ROR2: variants seen among roughly 807,000 people sequenced by gnomAD.
The protein encoded by ROR2 is tyrosine-protein kinase transmembrane receptor ROR2.
A neutral mutation model predicts 74.9 loss-of-function variants in ROR2; 33 were observed. The observed-to-expected ratio is 0.44, with a 90% CI of 0.33 to 0.59. The LOEUF (loss-of-function observed/expected upper bound fraction) is 0.59. Among genes scored for constraint, ROR2 ranks in the 20% least tolerant of loss-of-function variants. The pLI, the probability that ROR2 is intolerant of heterozygous loss-of-function variation, is 0.02. For synonymous variants in ROR2, 586 were observed against 558.7 expected, an observed-to-expected ratio of 1.05 and a Z score of -0.69; for missense variants, 1,216 against 1,313.8, an observed-to-expected ratio of 0.93 and a Z score of 1.15.
intron 1 of ROR2, among the ~76,000 whole-genome samples, chr9:91,801,948 G>A (rs1827394525): frequency 6.6e-6 from 1 of 152,224 alleles, no homozygotes; most frequent in South Asian, 2.1e-4. Flanking sequence ...GGGCAGATGG[G>A]GCCATGCCCC....
chr9:91,765,964 A>C (rs922938301), intron 2 of ROR2, among the ~76,000 whole-genome samples: 7 of 152,252 alleles, frequency 4.6e-5, no homozygotes, highest in African/African-American at 1.7e-4. Context: ...GAAGAAACTT[A>C]GTACATCCAA....
chr9:91,918,258 C>T (rs1158725151), intron 1 of ROR2, among the ~76,000 whole-genome samples: 9 of 137,724 alleles, frequency 6.5e-5, no homozygotes, highest in African/African-American at 1.5e-4. Context: ...ACAGGAGACT[C>T]GTCTCAAAAA....
chr9:91,800,374 C>T lies in ROR2; in HGVS notation c.98-24556G>A, dbSNP rs113717806. 7.9e-3 allele frequency among the ~76,000 whole-genome samples: 1,157 copies of T among 147,270 alleles called. 16 individuals are homozygous for T. Among genetic ancestry groups the T allele is most frequent in the Non-Finnish European group, 0.01 (682 of 67,796 alleles). ...AAAAAAAGAGAGAGAGAGAATAATA[C>T]CAGTGCAGATATTTCTGTCATCTGT... On this transcript the variant is annotated intron_variant, in intron 1 of 8. Coordinates refer to ENST00000375708, the MANE Select transcript of ROR2 (RefSeq NM_004560.4).
At chr9:91,740,013 C>G (rs1271080450) in intron 4 of ROR2, among the ~76,000 whole-genome samples, 1 of 152,218 alleles carries the variant, frequency 6.6e-6, no homozygotes, top group Non-Finnish European at 1.5e-5. Context: ...CTATGAGATT[C>G]AGATCAGTCC....
At chr9:91,841,052 T>TA (rs1828768316) in intron 1 of ROR2, among the ~76,000 whole-genome samples, 1 of 152,372 alleles carries the variant, frequency 6.6e-6, no homozygotes, top group East Asian at 1.9e-4. Context: ...AGCCAAATCA[T>TA]AGACTGAAAC....
chr9:91,774,909 C>T (rs551817919), intron 2 of ROR2, among the ~76,000 whole-genome samples: 2 of 152,182 alleles, frequency 1.3e-5, no homozygotes, highest in Non-Finnish European at 2.9e-5. Flanking sequence ...CCCAAAGAAC[C>T]GCCTATAGGA....
intron 2 of ROR2, among the ~76,000 whole-genome samples, chr9:91,761,993 C>G (rs957332985): frequency 6.6e-6 from 1 of 152,200 alleles, no homozygotes; most frequent in Non-Finnish European, 1.5e-5. Context: ...GCTGCATCAC[C>G]GGATTAAAGC....
chr9:91,789,000 G>A (rs1365093499), intron 1 of ROR2, among the ~76,000 whole-genome samples: 1 of 152,160 alleles, frequency 6.6e-6, no homozygotes, highest in African/African-American at 2.4e-5. Context: ...GAAAGGATTG[G>A]GGGAGGTCGG....
chr9:91,874,495 A>G (rs1328967025), intron 1 of ROR2, among the ~76,000 whole-genome samples: 2 of 152,366 alleles, frequency 1.3e-5, no homozygotes, highest in East Asian at 3.9e-4. Flanking sequence ...ATGAAAAAAA[A>G]TCCGTGTTCG....
chr9:91,734,151 T>C (rs1824938553), intron 5 of ROR2, among the ~76,000 whole-genome samples: 2 of 151,760 alleles, frequency 1.3e-5, no homozygotes, highest in Admixed American at 6.6e-5. Flanking sequence ...GGGAACAAAG[T>C]GGGGGTGTTG....
At chr9:91,845,070 G>A (rs1828887136) in intron 1 of ROR2, among the ~76,000 whole-genome samples, 1 of 152,150 alleles carries the variant, frequency 6.6e-6, no homozygotes, top group South Asian at 2.1e-4. Flanking sequence ...AAGGGGAGGG[G>A]CAGTTTTGTA....
intron 2 of ROR2, among the ~76,000 whole-genome samples, chr9:91,762,684 T>A (rs998948665): frequency 1.3e-5 from 2 of 152,236 alleles, no homozygotes; most frequent in African/African-American, 4.8e-5. Context: ...ATATTTATAT[T>A]ATTTTATGCT....
intron 7 of ROR2, among the ~76,000 whole-genome samples, chr9:91,728,849 T>C (rs1837136106): frequency 6.6e-6 from 1 of 152,212 alleles, no homozygotes; most frequent in Non-Finnish European, 1.5e-5. Context: ...ATGTGTGTTC[T>C]CCCACAGCTG....
chr9:91,848,068 C>A (rs2119241947), intron 1 of ROR2, among the ~76,000 whole-genome samples: 1 of 152,314 alleles, frequency 6.6e-6, no homozygotes, highest in Non-Finnish European at 1.5e-5. Context: ...ACCAAGGATA[C>A]TCGAGTCTTC....
intron 2 of ROR2, among the ~76,000 whole-genome samples, chr9:91,763,636 T>C (rs1427671380): frequency 6.6e-6 from 1 of 152,250 alleles, no homozygotes; most frequent in African/African-American, 2.4e-5. Flanking sequence ...CTCTCTATTC[T>C]GATGCTTTTT....
chr9:91,888,128 C>T (rs981299503), intron 1 of ROR2, among the ~76,000 whole-genome samples: 1 of 152,062 alleles, frequency 6.6e-6, no homozygotes, highest in Admixed American at 6.6e-5. Flanking sequence ...TATTGTCAGA[C>T]TTCTATATTT....
At chr9:91,771,486 G>A (rs894250612) in intron 2 of ROR2, among the ~76,000 whole-genome samples, 4 of 152,218 alleles carry the variant, frequency 2.6e-5, no homozygotes, top group South Asian at 2.1e-4. Context: ...TCTCCTGGAC[G>A]TCTAATGTAA....
At chr9:91,805,991 C>A (rs547112472) in intron 1 of ROR2, among the ~76,000 whole-genome samples, 1 of 152,274 alleles carries the variant, frequency 6.6e-6, no homozygotes, top group South Asian at 2.1e-4. Flanking sequence ...GGATTCAGTG[C>A]AATTCAACAA....
At chr9:91,872,316 G>A (rs867783280) in intron 1 of ROR2, among the ~76,000 whole-genome samples, 7 of 152,124 alleles carry the variant, frequency 4.6e-5, no homozygotes, top group Admixed American at 6.5e-5. Context: ...GGCTGGCACC[G>A]TTCGTCCTGG....
Sources: allele counts gnomAD v4.1 joint callset (sites outside exome capture counted in the v4.1 genomes callset), GRCh38; gene constraint gnomAD v4.1.1; transcripts MANE v1.5; gene names NCBI Gene and HGNC (gene_info 2026-07-23, HGNC 2026-07-21).